Variants in SNX29 observed in about 807,000 individuals in gnomAD.
SNX29 encodes the protein sorting nexin-29.
A neutral mutation model predicts 102.1 loss-of-function variants in SNX29; 78 were observed. That is an observed-to-expected ratio of 0.76 (90% CI 0.64 to 0.92). The LOEUF is 0.92. Among genes scored for constraint, SNX29 ranks in the 40% least tolerant of loss-of-function variants. The pLI, the probability that SNX29 is intolerant of heterozygous loss-of-function variation, is 0.00. For synonymous variants in SNX29, 580 were observed against 414.5 expected (o/e 1.40, Z -4.85); for missense variants, 1,280 against 1,061.7 (o/e 1.21, Z -2.86).
At chr16:12,063,704 T>G (rs2050890678) in intron 9 of SNX29, among the ~76,000 whole-genome samples, 1 of 151,890 alleles carries the variant, frequency 6.6e-6, no homozygotes, top group Non-Finnish European at 1.5e-5. Flanking sequence ...TTGCTCCCTG[T>G]TCATTCTCAT....
chr16:12,478,552 G>A (rs1329996081), intron 19 of SNX29, among the ~76,000 whole-genome samples: 1 of 152,186 alleles, frequency 6.6e-6, no homozygotes, highest in African/African-American at 2.4e-5. Context: ...TCACTCAGCA[G>A]TCATTAATTG....
At position 12,571,689 on chromosome 16, in the gene SNX29, A is replaced by G. The variant is rs1598140918; in HGVS notation, c.*3060A>G. 9.7e-7 allele frequency: 1 copy of G among 1,026,266 alleles called. No individual in the cohort carries two copies. The highest frequency in any genetic ancestry group is 1.7e-5 in the African/African-American group (1 of 60,128). The allele number at this position is 1,026,266 out of a possible 1,614,324, so 63.6% of individuals were successfully genotyped here. On this transcript the variant is annotated 3_prime_UTR_variant, in exon 21 of 21. Coordinates refer to ENST00000566228, the MANE Select transcript of SNX29 (RefSeq NM_032167.5). ...GGCTGGGCAGAGGTGTCTCTCCTTGAGAGACAACAAAAGCTTCTAAGGGAG... is the reference window on the plus strand; with the variant it reads ...GGCTGGGCAGAGGTGTCTCTCCTTGGGAGACAACAAAAGCTTCTAAGGGAG...
In SNX29 at chr16:12,069,237, G is replaced by A. The variant is rs139149329; in HGVS notation, c.1319+105G>A. ...AGGAGTGCACCTGCTAGGATTAAAG[G>A]GCAAGGGTTTACTTCACATTTATGT... On this transcript the variant is annotated intron_variant, in intron 10 of 20. Coordinates refer to ENST00000566228, the MANE Select transcript of SNX29 (RefSeq NM_032167.5). 1.6e-3 allele frequency: 1,525 copies of A among 935,246 alleles called. 4 individuals are homozygous for A. Among genetic ancestry groups the A allele is most frequent in the Admixed American group, 9.6e-3 (397 of 41,144 alleles). The allele number at this position is 935,246 out of a possible 1,614,324, so 57.9% of individuals were successfully genotyped here.
At chr16:12,056,808 T>G (rs933691718) in intron 8 of SNX29, among the ~76,000 whole-genome samples, 1 of 152,172 alleles carries the variant, frequency 6.6e-6, no homozygotes, top group African/African-American at 2.4e-5. Context: ...TTTTGTTCTT[T>G]TTTTGTTTTG....
At position 12,277,983 on chromosome 16, in the gene SNX29, C is replaced by G; in HGVS notation, c.1729C>G (p.Pro577Ala). The G allele has an allele frequency of 6.2e-7, 1 of 1,609,480 alleles. No individual in the cohort carries two copies. The highest frequency in any genetic ancestry group is 1.1e-5 in the South Asian group (1 of 89,718). The change falls in exon 15 of 21, where the codon CCG becomes GCG. Residue 577 changes from proline to alanine, a missense_variant. Transcript: ENST00000566228. ...DGEVTVAEQK[P>A]GEIAEELASS... Reference sequence around the variant, plus strand: ...AGAAGTTACAGTAGCTGAACAGAAGCCGGGAGAAATTGCTGAAGAACTCGC... The same window carrying G: ...AGAAGTTACAGTAGCTGAACAGAAGGCGGGAGAAATTGCTGAAGAACTCGC...
At chr16:12,376,433 G>A (rs546630809) in intron 16 of SNX29, among the ~76,000 whole-genome samples, 49 of 152,066 alleles carry the variant, frequency 3.2e-4, no homozygotes, top group Non-Finnish European at 6.5e-4. Flanking sequence ...TTGATTGGTC[G>A]TATTGAAAAT....
chr16:12,529,442 A>C (rs1302099294), intron 20 of SNX29, among the ~76,000 whole-genome samples: 2 of 152,226 alleles, frequency 1.3e-5, no homozygotes, highest in East Asian at 3.8e-4. Context: ...GAATTCGCTC[A>C]GTGAGACTGG....
chr16:12,389,945 T>C (rs1225280501), intron 16 of SNX29, among the ~76,000 whole-genome samples: 6 of 152,240 alleles, frequency 3.9e-5, no homozygotes, highest in Admixed American at 3.9e-4. Context: ...TTGAATACTT[T>C]CCACTCATTG....
At chr16:12,192,436 T>G (rs1387365629) in intron 13 of SNX29, among the ~76,000 whole-genome samples, 3 of 152,224 alleles carry the variant, frequency 2.0e-5, no homozygotes, top group African/African-American at 7.2e-5. Flanking sequence ...TCTTCCGGCT[T>G]CTTCTGTTTC....
intron 14 of SNX29, among the ~76,000 whole-genome samples, chr16:12,201,615 C>T (rs755371946): frequency 6.6e-6 from 1 of 152,134 alleles, no homozygotes; most frequent in Non-Finnish European, 1.5e-5. Flanking sequence ...CCTGGGGAGC[C>T]CATTAAATAT....
chr16:12,227,168 G>C (rs904322317), intron 14 of SNX29, among the ~76,000 whole-genome samples: 2 of 152,110 alleles, frequency 1.3e-5, no homozygotes, highest in African/African-American at 4.8e-5. Context: ...GCTTTTCTGG[G>C]GACATAGCAG....
intron 13 of SNX29, among the ~76,000 whole-genome samples, chr16:12,146,923 A>T (rs563197054): frequency 6.6e-6 from 1 of 152,304 alleles, no homozygotes; most frequent in Non-Finnish European, 1.5e-5. Context: ...ATAGTTTTTT[A>T]AAATATAAAA....
At chr16:12,462,902 G>A (rs2086870552) in intron 18 of SNX29, among the ~76,000 whole-genome samples, 1 of 152,216 alleles carries the variant, frequency 6.6e-6, no homozygotes, top group Non-Finnish European at 1.5e-5. Flanking sequence ...ACATGTGACT[G>A]CAGGATGAAG....
chr16:12,407,169 G>A (rs910800416), intron 18 of SNX29, among the ~76,000 whole-genome samples: 1 of 111,934 alleles, frequency 8.9e-6, no homozygotes, highest in African/African-American at 2.8e-5. Flanking sequence ...GGGGAGAAGG[G>A]CCCCCGCTTT....
At chr16:12,181,045 GACAGT>G in intron 13 of SNX29, among the ~76,000 whole-genome samples, 1 of 152,268 alleles carries the variant, frequency 6.6e-6, no homozygotes, top group Admixed American at 6.5e-5. Flanking sequence ...AGGGAGTCCT[GACAGT>G]ACAGATTTGA....
At chr16:12,064,275 T>A (rs551388582) in intron 9 of SNX29, among the ~76,000 whole-genome samples, 3 of 152,284 alleles carry the variant, frequency 2.0e-5, no homozygotes, top group Admixed American at 6.5e-5. Context: ...TCCTTTTTCG[T>A]GCATGTTGGG....
At chr16:12,479,608 G>C (rs1412636786) in intron 19 of SNX29, among the ~76,000 whole-genome samples, 1 of 152,176 alleles carries the variant, frequency 6.6e-6, no homozygotes, top group Non-Finnish European at 1.5e-5. Context: ...ATAGCAAAGA[G>C]TACAAGAATT....
rs1255388027 is a variant in SNX29, at chr16:11,979,492, GGGGT to G, written c.7+2684_7+2687del. On this transcript the variant is annotated intron_variant, in intron 1 of 20. Coordinates refer to ENST00000566228, the MANE Select transcript of SNX29 (RefSeq NM_032167.5). ...GTTGAAAGTGGGTTTCCCCACTTGT[GGGGT>G]GGGTAACTGGTACACGATAAAATAA... Among the ~76,000 whole-genome samples, 5 of 152,250 alleles carry G rather than the reference GGGGT, an allele frequency of 3.3e-5. No individual in the cohort carries two copies. The East Asian group carries it at 7.7e-4, about 23-fold the overall frequency.
At chr16:12,405,746 T>A (rs2151521753) in intron 18 of SNX29, among the ~76,000 whole-genome samples, 1 of 152,302 alleles carries the variant, frequency 6.6e-6, no homozygotes, top group South Asian at 2.1e-4. Flanking sequence ...ATTAAAAAAG[T>A]ATGCTGGCCA....
Sources: gnomAD v4.1 joint callset for allele counts (sites outside exome capture counted in the v4.1 genomes callset) on GRCh38, gnomAD v4.1.1 for gene constraint, MANE v1.5 for transcripts, NCBI Gene and HGNC (gene_info 2026-07-23, HGNC 2026-07-21) for gene names.